SLC13A2: variants seen among roughly 807,000 people sequenced by gnomAD.
SLC13A2 encodes the protein Na(+)-coupled citrate transporter.
SLC13A2 carries 40 observed loss-of-function variants against 58.5 expected under a neutral mutation model. That is an observed-to-expected ratio of 0.68 (90% CI 0.53 to 0.89). The LOEUF is 0.89. Among genes scored for constraint, SLC13A2 ranks in the 40% least tolerant of loss-of-function variants. The probability of loss-of-function intolerance (pLI) is 0.00; values close to 1 mark genes in which losing one functional copy is unlikely to be tolerated. For missense variants in SLC13A2, 694 were observed against 772.6 expected (o/e 0.90, Z 1.21); for synonymous variants, 341 against 331.6 (o/e 1.03, Z -0.31).
chr17:28,486,199 G>A (rs2068878067), intron 1 of SLC13A2, among the ~76,000 whole-genome samples: 1 of 152,158 alleles, frequency 6.6e-6, no homozygotes, highest in Non-Finnish European at 1.5e-5. Context: ...TCAAAATAAT[G>A]ATGGAGGTAA....
chr17:28,476,985 C>T (rs1479302516), intron 1 of SLC13A2, among the ~76,000 whole-genome samples: 3 of 149,554 alleles, frequency 2.0e-5, no homozygotes, highest in South Asian at 2.1e-4. Flanking sequence ...GATGAAACCC[C>T]GTCTCTATAA....
At chr17:28,478,954 G>A (rs1382756235) in intron 1 of SLC13A2, among the ~76,000 whole-genome samples, 2 of 152,128 alleles carry the variant, frequency 1.3e-5, no homozygotes, top group Non-Finnish European at 2.9e-5. Context: ...AAGGCCTCCT[G>A]AGGAGGGTGT....
intron 1 of SLC13A2, among the ~76,000 whole-genome samples, chr17:28,478,566 AT>A (rs1555600497): frequency 1.3e-5 from 2 of 152,200 alleles, no homozygotes; most frequent in African/African-American, 4.8e-5. Context: ...AGTCAGAGGC[AT>A]CAGCAGAACA....
chr17:28,481,571 G>C (rs2068787264), intron 1 of SLC13A2, among the ~76,000 whole-genome samples: 1 of 152,218 alleles, frequency 6.6e-6, no homozygotes, highest in Non-Finnish European at 1.5e-5. Flanking sequence ...GCTTGGTCCT[G>C]AGTTGGAAGT....
chr17:28,482,899 C>T (rs1308252476), intron 1 of SLC13A2, among the ~76,000 whole-genome samples: 1 of 152,230 alleles, frequency 6.6e-6, no homozygotes, highest in Non-Finnish European at 1.5e-5. Flanking sequence ...TTCTTCTGGA[C>T]TCTGCTTTAC....
intron 1 of SLC13A2, among the ~76,000 whole-genome samples, chr17:28,481,527 G>A: frequency 6.6e-6 from 1 of 152,198 alleles, no homozygotes; most frequent in East Asian, 1.9e-4. Context: ...AGCACCCCAG[G>A]TGACTGGTTA....
chr17:28,474,185 G>A (rs967814983), intron 1 of SLC13A2, among the ~76,000 whole-genome samples: 24 of 152,298 alleles, frequency 1.6e-4, no homozygotes, highest in African/African-American at 5.5e-4. Context: ...GTGGGGAGGG[G>A]ACGGCTGGGT....
chr17:28,480,159 A>C (rs1281598505), intron 1 of SLC13A2, among the ~76,000 whole-genome samples: 16 of 151,474 alleles, frequency 1.1e-4, no homozygotes, highest in Non-Finnish European at 1.9e-4. Flanking sequence ...GTCTCAAAAA[A>C]AAAAAAAAGG....
At chr17:28,493,921 C>G (rs2069084922) in intron 7 of SLC13A2, 96 bp from the exon 8 acceptor site, 1 of 1,481,622 alleles carries the variant, frequency 6.7e-7, no homozygotes, top group Admixed American at 1.7e-5. Flanking sequence ...CCAGGCTTGT[C>G]TATGGGAGAG....
At chr17:28,477,742 T>C (rs970852419) in intron 1 of SLC13A2, among the ~76,000 whole-genome samples, 4 of 152,200 alleles carry the variant, frequency 2.6e-5, no homozygotes, top group African/African-American at 9.6e-5. Context: ...GTTAGATCAT[T>C]TATTCCTTTC....
chr17:28,495,616 C>G (rs747736534), intron 9 of SLC13A2, 39 bp from the exon 10 acceptor site: 114 of 1,589,200 alleles, frequency 7.2e-5, no homozygotes, highest in Admixed American at 1.0e-4. Context: ...GGGGCCCAGG[C>G]AGCCTTGCCT....
rs1483672529 is a variant in SLC13A2, at chr17:28,496,202, G to A, written c.1471-248G>A. ...GATGACACCCCCGGAGCCCCTTTGA[G>A]ATCAGTTTTATGGGCCCCTCCCCTC... On this transcript the variant is annotated intron_variant, in intron 10 of 11. Coordinates refer to ENST00000314669, the MANE Select transcript of SLC13A2 (RefSeq NM_003984.4). This position sits in a 1 kb window ranked among gnomAD's most constrained non-coding sequence, Gnocchi z 4.2. Among the ~76,000 whole-genome samples, 1 of 152,100 alleles carries A rather than the reference G, an allele frequency of 6.6e-6. No homozygotes were observed. Among genetic ancestry groups the A allele is most frequent in the Non-Finnish European group, 1.5e-5 (1 of 68,012 alleles).
chr17:28,494,243 C>G lies in SLC13A2; in HGVS notation c.1186+138C>G, dbSNP rs2069093978. The stretch of plus-strand genomic sequence containing the variant: ...GCGACTTGCCAAGGGCACAGGGACT[C>G]GGAGACAAAGTTGAGATGTTGCAGA... On this transcript the variant is annotated intron_variant, in intron 8 of 11. Transcript: ENST00000314669. The surrounding 1 kb of genome is among the most constrained non-coding windows in gnomAD (Gnocchi z 4.0). 1 of 1,507,504 alleles carries G rather than the reference C, an allele frequency of 6.6e-7. No homozygotes were observed. Among genetic ancestry groups the G allele is most frequent in the Non-Finnish European group, 9.2e-7 (1 of 1,091,900 alleles). The allele number at this position is 1,507,504 out of a possible 1,614,324, so 93.4% of individuals were successfully genotyped here.
At chr17:28,475,355 G>A (rs924767292) in intron 1 of SLC13A2, among the ~76,000 whole-genome samples, 1 of 152,114 alleles carries the variant, frequency 6.6e-6, no homozygotes, top group African/African-American at 2.4e-5. Context: ...CCTGACTCTG[G>A]TCCTGTCTAG....
At chr17:28,497,002 G>C in intron 11 of SLC13A2, 97 bp from the exon 12 acceptor site, 1 of 1,278,028 alleles carries the variant, frequency 7.8e-7, no homozygotes, top group Non-Finnish European at 1.1e-6. Context: ...AGAGAATTTT[G>C]CTGGTAGGAG....
rs547855966 is a variant in SLC13A2, at chr17:28,495,880, G to T, written c.1470+64G>T. The stretch of plus-strand genomic sequence containing the variant: ...GCCTGCCTGCCCCACCAGGGGTTCT[G>T]CCTGCTGGGCAGAGTATCCTGTCTT... On this transcript the variant is annotated intron_variant, in intron 10 of 11. Coordinates refer to ENST00000314669, the MANE Select transcript of SLC13A2 (RefSeq NM_003984.4). 1.2e-5 allele frequency: 19 copies of T among 1,554,164 alleles called. No individual in the cohort carries two copies. The South Asian group carries it at 2.1e-4, about 17-fold the overall frequency.
At chr17:28,486,522 C>T (rs1056592522) in intron 1 of SLC13A2, among the ~76,000 whole-genome samples, 1 of 152,132 alleles carries the variant, frequency 6.6e-6, no homozygotes, top group Admixed American at 6.5e-5. Flanking sequence ...GCCAAAGCCA[C>T]CCGGGGTTAA....
chr17:28,480,971 C>T (rs564619856), intron 1 of SLC13A2, among the ~76,000 whole-genome samples: 1 of 152,174 alleles, frequency 6.6e-6, no homozygotes, highest in African/African-American at 2.4e-5. Context: ...GAAGAAGGAC[C>T]CAGCCTCAAA....
At chr17:28,480,750 C>G (rs981055627) in intron 1 of SLC13A2, among the ~76,000 whole-genome samples, 1 of 152,306 alleles carries the variant, frequency 6.6e-6, no homozygotes, top group Non-Finnish European at 1.5e-5. Flanking sequence ...AAAACACAGA[C>G]TGGTCTGGAG....
Sources: allele counts gnomAD v4.1 joint callset (sites outside exome capture counted in the v4.1 genomes callset), GRCh38; gene constraint gnomAD v4.1.1; non-coding constraint Gnocchi (gnomAD v3.1); transcripts MANE v1.5; gene names NCBI Gene and HGNC (gene_info 2026-07-23, HGNC 2026-07-21).